PPP2R2D: variants seen among roughly 807,000 people sequenced by gnomAD.
The protein encoded by PPP2R2D is protein phosphatase 2 regulatory subunit Bdelta.
A neutral mutation model predicts 31.1 loss-of-function variants in PPP2R2D; 9 were observed. The observed-to-expected ratio is 0.29, with a 90% confidence interval of 0.17 to 0.51. The LOEUF (loss-of-function observed/expected upper bound fraction) is 0.51. Ranked by LOEUF, PPP2R2D falls within the 20% of genes least tolerant of loss-of-function variation. The pLI is 0.98. For missense variants in PPP2R2D, 391 were observed against 465.6 expected (o/e 0.84, Z 1.48); for synonymous variants, 179 against 172.6 (o/e 1.04, Z -0.29).
downstream of PPP2R2D, among the ~76,000 whole-genome samples, chr10:131,960,446 A>G (rs74996497): frequency 2.7e-3 from 406 of 152,294 alleles, 5 homozygotes; most frequent in African/African-American, 9.1e-3. Context: ...TGGAGCTCCT[A>G]TGAACCAGTT....
intron 2 of PPP2R2D, among the ~76,000 whole-genome samples, chr10:131,905,998 A>G (rs2035575634): frequency 6.6e-6 from 1 of 152,260 alleles, no homozygotes; most frequent in Non-Finnish European, 1.5e-5. Flanking sequence ...ATTAGTAACA[A>G]GGATTCAAGA....
chr10:131,908,024 TTAAGA>T (rs2035625020), intron 2 of PPP2R2D, among the ~76,000 whole-genome samples: 1 of 152,230 alleles, frequency 6.6e-6, no homozygotes, highest in African/African-American at 2.4e-5. Flanking sequence ...AAGCTTTTTG[TTAAGA>T]TCAAACAATG....
intron 2 of PPP2R2D, among the ~76,000 whole-genome samples, chr10:131,927,413 G>A (rs1227346899): frequency 2.6e-5 from 4 of 151,374 alleles, no homozygotes; most frequent in South Asian, 2.1e-4. Flanking sequence ...TGCGCGGGTC[G>A]GACGGGTGCG....
chr10:131,962,960 C>G (rs1198638365), downstream of PPP2R2D, among the ~76,000 whole-genome samples: 2 of 152,284 alleles, frequency 1.3e-5, no homozygotes, highest in East Asian at 3.9e-4. Context: ...GTCAGGAGTT[C>G]AAGACCAGCC....
intron 2 of PPP2R2D, among the ~76,000 whole-genome samples, chr10:131,920,036 G>GTGTT (rs2035942924): frequency 6.6e-6 from 1 of 151,226 alleles, no homozygotes; most frequent in African/African-American, 2.4e-5. Context: ...GGATGACACA[G>GTGTT]TGTAGGGACC....
intron 2 of PPP2R2D, among the ~76,000 whole-genome samples, chr10:131,928,057 G>T (rs143068078): frequency 6.6e-6 from 1 of 152,148 alleles, no homozygotes; most frequent in Admixed American, 6.5e-5. Flanking sequence ...AGCTGTCTAC[G>T]AGAGCTGCCG....
intron 2 of PPP2R2D, among the ~76,000 whole-genome samples, chr10:131,924,153 A>C (rs782512581): frequency 2.6e-5 from 4 of 152,226 alleles, no homozygotes; most frequent in Admixed American, 6.5e-5. Context: ...TAGATGCACA[A>C]GAATTTTTAA....
the PPP2R2D span, chr10:131,970,944 CCTT>C: frequency 1.9e-6 from 3 of 1,614,070 alleles, no homozygotes; most frequent in South Asian, 1.1e-5. This position sits in a 1 kb window ranked among gnomAD's most constrained non-coding sequence, Gnocchi z 4.1. Context: ...CAACTTCTTT[CCTT>C]CTTTCAATAT....
downstream of PPP2R2D, among the ~76,000 whole-genome samples, chr10:131,961,203 G>A (rs2036915031): frequency 6.6e-6 from 1 of 152,150 alleles, no homozygotes; most frequent in Non-Finnish European, 1.5e-5. Context: ...GGGGCCTGGC[G>A]GGCCCCGCGC....
the PPP2R2D span, chr10:131,966,422 T>C: frequency 6.6e-6 from 1 of 152,324 alleles, no homozygotes; most frequent in Admixed American, 6.5e-5. Context: ...TTATCCTACC[T>C]CAAAGATAAA....
intron 2 of PPP2R2D, among the ~76,000 whole-genome samples, chr10:131,907,717 C>T (rs2035619080): frequency 6.6e-6 from 1 of 150,696 alleles, no homozygotes; most frequent in Admixed American, 6.6e-5. Flanking sequence ...CACCTCCAGC[C>T]TGGGCAGCAG....
At chr10:131,920,281 G>T (rs1245236629) in intron 2 of PPP2R2D, among the ~76,000 whole-genome samples, 1 of 147,820 alleles carries the variant, frequency 6.8e-6, no homozygotes, top group South Asian at 2.2e-4. Context: ...ACAGTGTAGG[G>T]ACCTCACACA....
chr10:131,952,348 G>T (rs1457583878), intron 8 of PPP2R2D, among the ~76,000 whole-genome samples: 1 of 39,330 alleles, frequency 2.5e-5, no homozygotes, highest in Non-Finnish European at 4.4e-5. Context: ...TTGCATGTGT[G>T]GGGGGGGTTC....
At chr10:131,918,574 G>A (rs1454922122) in intron 2 of PPP2R2D, among the ~76,000 whole-genome samples, 3 of 149,574 alleles carry the variant, frequency 2.0e-5, no homozygotes, top group Admixed American at 6.6e-5. Context: ...ATGACACAGT[G>A]TTTGTAGGGA....
chr10:131,922,618 AAT>A (rs2036013056), intron 2 of PPP2R2D, among the ~76,000 whole-genome samples: 1 of 151,870 alleles, frequency 6.6e-6, no homozygotes, highest in Non-Finnish European at 1.5e-5. Context: ...ACACTTGGAT[AAT>A]TTTTTATATT....
At chr10:131,950,824 T>TC (rs2036623595) in intron 8 of PPP2R2D, among the ~76,000 whole-genome samples, 1 of 152,144 alleles carries the variant, frequency 6.6e-6, no homozygotes. Flanking sequence ...TCTGAGTGTT[T>TC]CTAAGCCTAA....
intron 3 of PPP2R2D, among the ~76,000 whole-genome samples, chr10:131,938,487 G>A (rs2036383385): frequency 6.6e-6 from 1 of 152,168 alleles, no homozygotes; most frequent in Non-Finnish European, 1.5e-5. Flanking sequence ...GAAGGAGAAT[G>A]CTCGGGATAC....
chr10:131,968,586 T>A, the PPP2R2D span: 2 of 1,582,516 alleles, frequency 1.3e-6, no homozygotes, highest in Non-Finnish European at 1.7e-6. Flanking sequence ...AGAAAAATTA[T>A]CAGTAGTTAA....
At chr10:131,906,149 G>C (rs2035578573) in intron 2 of PPP2R2D, among the ~76,000 whole-genome samples, 2 of 152,122 alleles carry the variant, frequency 1.3e-5, no homozygotes, top group African/African-American at 2.4e-5. Context: ...ACTGCAACCT[G>C]CTTACCTGCA....
Sources: gnomAD v4.1 joint callset for allele counts (sites outside exome capture counted in the v4.1 genomes callset) on GRCh38, gnomAD v4.1.1 for gene constraint, Gnocchi (gnomAD v3.1) non-coding constraint, MANE v1.5 for transcripts, NCBI Gene and HGNC (gene_info 2026-07-23, HGNC 2026-07-21) for gene names.